Variants in MYO9B observed in about 807,000 individuals in gnomAD.
The protein encoded by MYO9B is myosin IXB, also known as unconventional myosin-IXb.
A neutral mutation model predicts 229.5 loss-of-function variants in MYO9B; 71 were observed. The ratio of observed to expected loss-of-function variants is 0.31; its 90% CI spans 0.26 to 0.38. The LOEUF (loss-of-function observed/expected upper bound fraction) is 0.38, where lower values mean the gene tolerates loss of function less well. Ranked by LOEUF, MYO9B falls within the 10% of genes least tolerant of loss-of-function variation. The pLI, the probability that MYO9B is intolerant of heterozygous loss-of-function variation, is 1.00. For synonymous variants in MYO9B, 1,185 were observed against 1,235.8 expected, an observed-to-expected ratio of 0.96 and a Z score of 0.86; for missense variants, 2,255 against 2,920.5, an observed-to-expected ratio of 0.77 and a Z score of 5.25.
intron 2 of MYO9B, among the ~76,000 whole-genome samples, chr19:17,117,066 G>A (rs1381019536): frequency 6.6e-6 from 1 of 152,186 alleles, no homozygotes; most frequent in Non-Finnish European, 1.5e-5. Flanking sequence ...TTGATTAAAA[G>A]CTGAAGTGTA....
At position 17,076,452 on chromosome 19, in the gene MYO9B, C is replaced by T. The variant is rs75310458; in HGVS notation, c.-59+578C>T. On this transcript the variant is annotated intron_variant, in intron 1 of 39. Coordinates refer to ENST00000682292, the MANE Select transcript of MYO9B (RefSeq NM_004145.4). ...AAATGGGAGCTGGAAGGGAAGTAAA[C>T]GGAGTAGAAGTCACGGTAAGAACTG... Among the ~76,000 whole-genome samples, 482 of 152,156 alleles carry T rather than the reference C, an allele frequency of 3.2e-3. 2 individuals are homozygous for T. Among genetic ancestry groups the T allele is most frequent in the African/African-American group, 0.01 (422 of 41,498 alleles).
At chr19:17,157,129 G>A (rs968338190) in intron 7 of MYO9B, 91 bp downstream of exon 7, 17 of 1,451,892 alleles carry the variant, frequency 1.2e-5, no homozygotes, top group East Asian at 4.8e-5. Context: ...AACTTCCTAC[G>A]TCAGCTGAGG....
intron 3 of MYO9B, among the ~76,000 whole-genome samples, chr19:17,151,733 A>G (rs879528147): frequency 6.6e-6 from 1 of 152,180 alleles, no homozygotes; most frequent in Admixed American, 6.6e-5. Context: ...CCTGGACAAC[A>G]TCACGAAATC....
rs372099161 is a variant in MYO9B, at chr19:17,104,511, C to T, written c.840+1954C>T. On this transcript the variant is annotated intron_variant, in intron 2 of 39. Coordinates refer to ENST00000682292, the MANE Select transcript of MYO9B (RefSeq NM_004145.4). ...ACATGTCTCAGAACAACGCAACCAT[C>T]GCCACCTGGTGAGGGCCAGGGGCAG... 3.9e-5 allele frequency among the ~76,000 whole-genome samples: 6 copies of T among 152,286 alleles called. No homozygotes were observed. In the East Asian group the frequency reaches 7.7e-4, roughly 20 times the overall value.
intron 2 of MYO9B, among the ~76,000 whole-genome samples, chr19:17,133,142 G>A (rs778000157): frequency 5.3e-5 from 8 of 152,054 alleles, no homozygotes; most frequent in East Asian, 1.9e-4. Flanking sequence ...CACTGCGCCC[G>A]GCCTATTTTA....
intron 2 of MYO9B, among the ~76,000 whole-genome samples, chr19:17,114,071 C>T (rs117903587): frequency 6.6e-6 from 1 of 152,106 alleles, no homozygotes; most frequent in Admixed American, 6.6e-5. Context: ...ATAGCACCCC[C>T]GCCCCTAGTC....
chr19:17,161,228 G>C (rs2145310906), intron 8 of MYO9B, among the ~76,000 whole-genome samples: 1 of 152,004 alleles, frequency 6.6e-6, no homozygotes, highest in East Asian at 1.9e-4. Flanking sequence ...CCCGAGCCCA[G>C]GTTCCTCACT....
rs771894641 is a variant in MYO9B, at chr19:17,154,422, G to A, written c.1199+7G>A. The A allele has an allele frequency of 6.2e-7, 1 of 1,607,220 alleles. No individual in the cohort carries two copies. Among genetic ancestry groups the A allele is most frequent in the South Asian group, 1.1e-5 (1 of 90,870 alleles). Reference sequence around the variant, plus strand: ...TCCCCGCCACCAAGAAGCAGTAAGTGTGCGGGCTCCCGGGGCCTGTCCCCC... The same window carrying A: ...TCCCCGCCACCAAGAAGCAGTAAGTATGCGGGCTCCCGGGGCCTGTCCCCC... On this transcript the variant is annotated splice_region_variant and intron_variant, in intron 6 of 39. Coordinates refer to ENST00000682292, the MANE Select transcript of MYO9B (RefSeq NM_004145.4).
chr19:17,198,198 C>T lies in MYO9B; in HGVS notation c.4128C>T (p.Thr1376=), dbSNP rs376495338. ...SLAKAQPAAE[T]TDGERSAKKP... is the part of the protein sequence containing the mutation. ...CCGTCTTGCAGCCTGCAGCAGAAAC[C>T]ACGGACGGAGAGCGAAGTGCGAAAA... The change falls in exon 24 of 40, where the codon ACC becomes ACT. Residue 1376 remains threonine (T), a synonymous_variant. Transcript: ENST00000682292. 9.0e-5 allele frequency: 146 copies of T among 1,613,872 alleles called. No homozygotes were observed. In the African/African-American group the frequency reaches 1.7e-3, roughly 19 times the overall value.
rs55894910 is a variant in MYO9B at position 17,170,647 on chromosome 19, C to CAAAAAAAAAA, written c.1794-1671_1794-1662dup. On this transcript the variant is annotated intron_variant, in intron 11 of 39. Coordinates refer to ENST00000682292, the MANE Select transcript of MYO9B (RefSeq NM_004145.4). ...GCACCATAGTGAGACCCCATCTCTA[C>CAAAAAAAAAA]AAAAAAAAAAAAAAAAAAAAAAAAA... Among the ~76,000 whole-genome samples the CAAAAAAAAAA allele has an allele frequency of 5.6e-5, 5 of 88,842 alleles. 1 individual carries two copies. The highest frequency in any genetic ancestry group is 1.3e-4 in the African/African-American group (3 of 22,800). The allele number at this position is 88,842 out of a possible 152,430, so 58.3% of individuals were successfully genotyped here.
intron 14 of MYO9B, among the ~76,000 whole-genome samples, chr19:17,176,034 T>C (rs948872092): frequency 4.0e-5 from 6 of 151,540 alleles, no homozygotes; most frequent in Non-Finnish European, 2.9e-5. Context: ...GGTTTTTGTT[T>C]GTTTGTTTGT....
At chr19:17,202,983 G>A (rs1286186516) in intron 29 of MYO9B, 100 bp downstream of exon 29, 48 of 1,409,650 alleles carry the variant, frequency 3.4e-5, no homozygotes, top group East Asian at 1.0e-4. Context: ...CCGTCTGCAC[G>A]CGTATGTGTG....
Position 17,180,944 on chromosome 19 carries a change from T to C in MYO9B, c.2237T>C (p.Met746Thr). 1 of 1,607,482 alleles carries C rather than the reference T, an allele frequency of 6.2e-7. No individual in the cohort carries two copies. The highest frequency in any genetic ancestry group is 8.5e-7 in the Non-Finnish European group (1 of 1,177,080). ...EKLYRDLHNQ[M>T]IKSIKGLPWQ... ...CCCCTCAGCGATTTGCATAACCAAA[T>C]GATCAAGAGCATCAAAGGATTGCCC... The change falls in exon 15 of 40, where the codon ATG becomes ACG. Residue 746 changes from methionine (M) to threonine (T), a missense_variant. Around this residue, in one of 7 missense-constraint regions of MYO9B, gnomAD observed 155 missense variants for 159.1 expected, o/e 0.97. Transcript: ENST00000682292.
At chr19:17,161,150 A>G (rs2072597417) in intron 8 of MYO9B, among the ~76,000 whole-genome samples, 1 of 152,162 alleles carries the variant, frequency 6.6e-6, no homozygotes, top group Non-Finnish European at 1.5e-5. Flanking sequence ...CACCCGGAAG[A>G]ACAAGGGGCC....
intron 1 of MYO9B, among the ~76,000 whole-genome samples, chr19:17,100,429 C>T (rs1489531905): frequency 6.6e-6 from 1 of 152,124 alleles, no homozygotes; most frequent in Non-Finnish European, 1.5e-5. Context: ...GCCGAGATCA[C>T]ACCACTGCAC....
At position 17,191,238 on chromosome 19, in the gene MYO9B, C is replaced by T. The variant is rs750186303; in HGVS notation, c.2811+19C>T. ...GACCAAGGTCAGCGCTCCTGCCCCT[C>T]GGGGCACTACAAACCCACACCCTGC... On this transcript the variant is annotated intron_variant, in intron 20 of 39. Transcript: ENST00000682292. 1.8e-5 allele frequency: 29 copies of T among 1,607,052 alleles called. No individual in the cohort carries two copies. The highest frequency in any genetic ancestry group is 2.7e-5 in the African/African-American group (2 of 74,732).
At position 17,183,775 on chromosome 19, in the gene MYO9B, A is replaced by T. The variant is rs1301468195; in HGVS notation, c.2334-54A>T. ...AGGCGTGGCTTGCTGAACTAACCCA[A>T]ATCCCGACACTGTGTTCCTTTTGTT... On this transcript the variant is annotated intron_variant, in intron 15 of 39. Transcript: ENST00000682292. 6 of 1,489,972 alleles carry T rather than the reference A, an allele frequency of 4.0e-6. No individual in the cohort carries two copies. The East Asian group carries it at 1.5e-4, about 37-fold the overall frequency. The allele number at this position is 1,489,972 out of a possible 1,614,324, so 92.3% of individuals were successfully genotyped here.
Position 17,200,817 on chromosome 19 carries a change from C to G in MYO9B, c.4551C>G (p.Phe1517Leu). ...ATGAGCTCAAGTACCTGGACGAGTT[C>G]CTGCTCAACAAGGTGGGATCACTAG... is the stretch of plus-strand genomic sequence containing the variant. ...NANELKYLDEFLLNKINDLRS... is the reference protein window; with the variant it reads ...NANELKYLDELLLNKINDLRS... The change falls in exon 26 of 40, where the codon TTC becomes TTG. Residue 1517 changes from phenylalanine to leucine, a missense_variant. Around this residue, in one of 7 missense-constraint regions of MYO9B, gnomAD observed 416 missense variants for 605.5 expected, o/e 0.69. Transcript: ENST00000682292. 1 of 1,613,754 alleles carries G rather than the reference C, an allele frequency of 6.2e-7. No individual in the cohort carries two copies. The highest frequency in any genetic ancestry group is 8.5e-7 in the Non-Finnish European group (1 of 1,179,636).
At chr19:17,106,107 C>T (rs1041288737) in intron 2 of MYO9B, among the ~76,000 whole-genome samples, 3 of 151,850 alleles carry the variant, frequency 2.0e-5, no homozygotes, top group Non-Finnish European at 2.9e-5. Flanking sequence ...TGGGCTCAAG[C>T]GATCCTCCCA....
Sources: gnomAD v4.1 joint callset for allele counts (sites outside exome capture counted in the v4.1 genomes callset) on GRCh38, gnomAD v4.1.1 for gene constraint, gnomAD v4.1.1 regional missense constraint, MANE v1.5 for transcripts, NCBI Gene and HGNC (gene_info 2026-07-23, HGNC 2026-07-21) for gene names.